UNC13B: variants seen among roughly 807,000 people sequenced by gnomAD.
UNC13B encodes the protein protein unc-13 homolog B.
In UNC13B, 144 loss-of-function variants were observed where a neutral mutation model predicts 211.0. The ratio of observed to expected loss-of-function variants is 0.68; its 90% CI spans 0.60 to 0.78. The LOEUF (loss-of-function observed/expected upper bound fraction) is 0.78, where lower values mean the gene tolerates loss of function less well. Ranked by LOEUF, UNC13B falls within the 30% of genes least tolerant of loss-of-function variation. UNC13B has a pLI of 0.00. For missense variants in UNC13B, 1,777 were observed against 2,002.0 expected (o/e 0.89, Z 2.14); for synonymous variants, 709 against 725.8 (o/e 0.98, Z 0.37).
rs1274342262 is a variant in UNC13B at position 35,242,328 on chromosome 9, C to T, written c.395-963C>T. The stretch of plus-strand genomic sequence containing the variant: ...CATAACTGAAAATTTAGCATCTTAA[C>T]CATTTTTAAGTGTACAGTTCACTAG... On this transcript the variant is annotated intron_variant, in intron 5 of 39. Coordinates refer to ENST00000635942, the MANE Select transcript of UNC13B (RefSeq NM_001371189.2). 2.0e-5 allele frequency among the ~76,000 whole-genome samples: 3 copies of T among 152,086 alleles called. No homozygotes were observed. In the East Asian group the frequency reaches 5.8e-4, roughly 29 times the overall value.
chr9:35,173,909 T>C (rs1210405216), intron 1 of UNC13B, among the ~76,000 whole-genome samples: 1 of 152,208 alleles, frequency 6.6e-6, no homozygotes, highest in East Asian at 1.9e-4. Flanking sequence ...CATTAAACCT[T>C]AATTTCCACA....
At position 35,237,778 on chromosome 9, in the gene UNC13B, C is replaced by A; in HGVS notation, c.346C>A (p.Pro116Thr). ...CGATGAGATCTGTGGAACTAGAAAC[C>A]CAACTCCTCATAAAATTTTGCTTGA... ...KDDEICGTRN[P>T]TPHKILLDTR... The change falls in exon 5 of 40, where the codon CCA (proline) becomes ACA (threonine). Residue 116 changes from proline (P) to threonine (T), a missense_variant. By Grantham distance (38) the Pro-to-Thr change is conservative. Transcript: ENST00000635942. 3 of 1,613,734 alleles carry A rather than the reference C, an allele frequency of 1.9e-6. No individual in the cohort carries two copies. The highest frequency in any genetic ancestry group is 2.5e-6 in the Non-Finnish European group (3 of 1,179,864).
intron 1 of UNC13B, among the ~76,000 whole-genome samples, chr9:35,176,113 G>A (rs943663210): frequency 1.3e-5 from 2 of 151,774 alleles, no homozygotes; most frequent in African/African-American, 4.8e-5. Flanking sequence ...GAAGGGGAAA[G>A]TCAAGATGAG....
intron 1 of UNC13B, among the ~76,000 whole-genome samples, chr9:35,172,431 AT>A (rs1821383845): frequency 6.6e-6 from 1 of 151,954 alleles, no homozygotes; most frequent in Admixed American, 6.6e-5. Context: ...ATCCAACTGT[AT>A]TTTTGTACTC....
chr9:35,314,218 T>C (rs900259367), intron 11 of UNC13B, among the ~76,000 whole-genome samples: 3 of 152,180 alleles, frequency 2.0e-5, no homozygotes, highest in Non-Finnish European at 4.4e-5. Flanking sequence ...ACTGTAAAGT[T>C]AGATGCTTAT....
intron 7 of UNC13B, among the ~76,000 whole-genome samples, chr9:35,287,458 A>T (rs1828863782): frequency 6.6e-6 from 1 of 152,172 alleles, no homozygotes; most frequent in South Asian, 2.1e-4. Flanking sequence ...CTAACAATGT[A>T]CAAGAGTTCC....
In UNC13B at chr9:35,403,619, T is replaced by TC. The variant is rs1490548552; in HGVS notation, c.12737+20_12737+21insC. The TC allele has an allele frequency of 2.3e-6, 3 of 1,329,072 alleles. No homozygotes were observed. The highest frequency in any genetic ancestry group is 3.0e-6 in the Non-Finnish European group (3 of 1,011,756). The allele number at this position is 1,329,072 out of a possible 1,614,324, so 82.3% of individuals were successfully genotyped here. A position where few individuals can be genotyped will look rare whatever the true frequency, so the allele number is the denominator to read the frequency against. ...CCACTTGTAAGTTACGGGGGGGACATACAGGACTCTGGGATGGGGGTAAGA... is the reference window on the plus strand; with the variant it reads ...CCACTTGTAAGTTACGGGGGGGACATCACAGGACTCTGGGATGGGGGTAAGA... On this transcript the variant is annotated intron_variant, in intron 39 of 39. Transcript: ENST00000635942.
intron 1 of UNC13B, among the ~76,000 whole-genome samples, chr9:35,227,351 A>C (rs1035896753): frequency 1.7e-4 from 26 of 151,792 alleles, no homozygotes; most frequent in African/African-American, 6.0e-4. Context: ...GGTTTTCTTC[A>C]CCTTTTTTTT....
intron 11 of UNC13B, among the ~76,000 whole-genome samples, chr9:35,356,027 T>C (rs2132091452): frequency 6.6e-6 from 1 of 152,174 alleles, no homozygotes; most frequent in East Asian, 1.9e-4. Context: ...GTAGCAGCAG[T>C]CTTGATGAAT....
rs1264845576 is a variant in UNC13B, at chr9:35,300,222, A to G, written c.818A>G (p.Asn273Ser). 4 of 398,822 alleles carry G rather than the reference A, an allele frequency of 1.0e-5. No individual in the cohort carries two copies. Among genetic ancestry groups the G allele is most frequent in the Admixed American group, 8.8e-5 (2 of 22,710 alleles). 24.7% of individuals were successfully genotyped at this position (398,822 alleles called of 1,614,324 possible). Residue 273 changes from asparagine (N) to serine (S), a missense_variant, in exon 9 of 40, where the codon AAT becomes AGT. Physicochemically the swap from Asn to Ser is conservative, Grantham distance 46. Transcript: ENST00000635942. ...AGAAGAAAAAAGAAATCCTTATACAATCATTTTGAAGACAGTGAAAGAAGG... is the reference window on the plus strand; with the variant it reads ...AGAAGAAAAAAGAAATCCTTATACAGTCATTTTGAAGACAGTGAAAGAAGG... ...DRRRKKKSLYNHFEDSERRQY... is the reference protein window; with the variant it reads ...DRRRKKKSLYSHFEDSERRQY...
intron 11 of UNC13B, among the ~76,000 whole-genome samples, chr9:35,356,583 T>C (rs561485192): frequency 6.6e-6 from 1 of 152,252 alleles, no homozygotes; most frequent in South Asian, 2.1e-4. Context: ...CTTTCCTCTT[T>C]TTATTATAAC....
chr9:35,239,324 A>G (rs1825684615), intron 5 of UNC13B, among the ~76,000 whole-genome samples: 3 of 152,184 alleles, frequency 2.0e-5, no homozygotes, highest in Admixed American at 6.5e-5. Flanking sequence ...GAGACGTCAC[A>G]TGTCGGCAGG....
intron 7 of UNC13B, among the ~76,000 whole-genome samples, chr9:35,283,727 G>T (rs1011328432): frequency 3.3e-5 from 5 of 152,210 alleles, no homozygotes; most frequent in African/African-American, 1.2e-4. Context: ...AATTGGAGTT[G>T]AGTTGCAATT....
intron 11 of UNC13B, among the ~76,000 whole-genome samples, chr9:35,349,669 G>A (rs1832593553): frequency 6.6e-6 from 1 of 152,200 alleles, no homozygotes; most frequent in Non-Finnish European, 1.5e-5. Context: ...GGAAAGAAAA[G>A]GAGAGATGTG....
At position 35,397,157 on chromosome 9, in the gene UNC13B, TCTTC is replaced by T; in HGVS notation, c.11533-6_11533-3del. ...CTGTGGATGGTGACCCTGTGTGTGGTCTTCCTTAGTTCCAGCAGACATCAGAGCA... is the reference window on the plus strand; with the variant it reads ...CTGTGGATGGTGACCCTGTGTGTGGTCTTAGTTCCAGCAGACATCAGAGCA... On this transcript the variant is annotated splice_region_variant and splice_polypyrimidine_tract_variant and intron_variant, in intron 28 of 39. Coordinates refer to ENST00000635942, the MANE Select transcript of UNC13B (RefSeq NM_001371189.2). 6.2e-7 allele frequency: 1 copy of T among 1,613,550 alleles called. No individual in the cohort carries two copies. Among genetic ancestry groups the T allele is most frequent in the Non-Finnish European group, 8.5e-7 (1 of 1,179,568 alleles).
intron 5 of UNC13B, among the ~76,000 whole-genome samples, chr9:35,241,591 A>AT (rs1466647846): frequency 1.9e-5 from 2 of 103,636 alleles, no homozygotes; most frequent in African/African-American, 6.4e-5. Flanking sequence ...ACACACACAC[A>AT]CACACCACCA....
In UNC13B at chr9:35,386,289, A is replaced by G. The variant is rs778676265; in HGVS notation, c.11090A>G (p.Gln3697Arg). Residue 3697 changes from glutamine to arginine, a missense_variant, in exon 24 of 40, where the codon CAG becomes CGG. Coordinates refer to ENST00000635942, the MANE Select transcript of UNC13B (RefSeq NM_001371189.2). ...CACGACTTATACAGCCGCCAGTACCAGCTGGTAAGAGGTTCAGGATCAGGT... is the reference window on the plus strand; with the variant it reads ...CACGACTTATACAGCCGCCAGTACCGGCTGGTAAGAGGTTCAGGATCAGGT... ...NCHDLYSRQYQLKQELPPEEQ... is the reference protein window; with the variant it reads ...NCHDLYSRQYRLKQELPPEEQ... The G allele has an allele frequency of 1.2e-6, 2 of 1,614,012 alleles. No homozygotes were observed. Among genetic ancestry groups the G allele is most frequent in the Non-Finnish European group, 1.7e-6 (2 of 1,179,982 alleles).
In UNC13B at chr9:35,389,863, A is replaced by G. The variant is rs1444709683; in HGVS notation, c.11112A>G (p.Pro3704=). The G allele has an allele frequency of 1.9e-6, 3 of 1,614,018 alleles. No individual in the cohort carries two copies. The highest frequency in any genetic ancestry group is 2.5e-6 in the Non-Finnish European group (3 of 1,180,000). The change falls in exon 25 of 40, where the codon CCA becomes CCG. Residue 3704 remains proline, a synonymous_variant. Coordinates refer to ENST00000635942, the MANE Select transcript of UNC13B (RefSeq NM_001371189.2). ...RQYQLKQELP[P]EEQGPSIRNL... ...GGATCAAGAAGCAGGAGCTACCTCC[A>G]GAGGAACAAGGGCCCAGCATTCGGA...
chr9:35,203,707 C>T (rs997825329), intron 1 of UNC13B, among the ~76,000 whole-genome samples: 2 of 152,212 alleles, frequency 1.3e-5, no homozygotes, highest in South Asian at 4.1e-4. Flanking sequence ...CTGGCTGCTT[C>T]TAACAGCCTG....
Sources: allele counts gnomAD v4.1 joint callset (sites outside exome capture counted in the v4.1 genomes callset), GRCh38; gene constraint gnomAD v4.1.1; transcripts MANE v1.5; gene names NCBI Gene and HGNC (gene_info 2026-07-23, HGNC 2026-07-21).